The following PTK2B variants were observed in gnomAD, a reference collection of about 807,000 sequenced individuals.
PTK2B encodes protein-tyrosine kinase 2-beta.
PTK2B carries 71 observed loss-of-function variants against 142.9 expected under a neutral mutation model. The observed-to-expected ratio is 0.50, with a 90% CI of 0.41 to 0.61. The LOEUF is 0.61. PTK2B is among the 20% of genes least tolerant of loss of function. The pLI is 0.00. For missense variants in PTK2B, 1,105 were observed against 1,320.4 expected (o/e 0.84, Z 2.53); for synonymous variants, 519 against 503.4 (o/e 1.03, Z -0.42).
intron 21 of PTK2B, 53 bp from the exon 22 acceptor site, chr8:27,442,822 G>A (rs1350292104): frequency 6.7e-7 from 1 of 1,485,476 alleles, no homozygotes; most frequent in Non-Finnish European, 9.4e-7. Context: ...GAGCCCCAAG[G>A]AGCGTCTCAC....
intron 1 of PTK2B, among the ~76,000 whole-genome samples, chr8:27,358,182 G>A (rs1343936895): frequency 6.6e-6 from 1 of 152,138 alleles, no homozygotes; most frequent in East Asian, 1.9e-4. Context: ...ATTCCCCCAG[G>A]GCAGCACAGG....
intron 12 of PTK2B, 133 bp from the exon 13 acceptor site, chr8:27,434,380 G>A: frequency 2.7e-6 from 3 of 1,126,432 alleles, no homozygotes; most frequent in South Asian, 3.1e-5. Context: ...CCTGGGCTGT[G>A]CTCCCAGGTC....
chr8:27,353,621 G>T (rs1805228733), intron 1 of PTK2B, among the ~76,000 whole-genome samples: 1 of 152,134 alleles, frequency 6.6e-6, no homozygotes, highest in Admixed American at 6.5e-5. Context: ...CCTAGTAATG[G>T]CAGACCAAGA....
chr8:27,348,983 T>C (rs937099701), intron 1 of PTK2B, among the ~76,000 whole-genome samples: 16 of 152,260 alleles, frequency 1.1e-4, no homozygotes, highest in African/African-American at 3.6e-4. Flanking sequence ...TGCCTCTGTC[T>C]TTCCAACACC....
intron 2 of PTK2B, among the ~76,000 whole-genome samples, chr8:27,406,586 T>TTTATAG (rs1808725583): frequency 6.6e-6 from 1 of 152,190 alleles, no homozygotes; most frequent in Non-Finnish European, 1.5e-5. Context: ...CCACACCTCC[T>TTTATAG]GGAAGTTGGC....
chr8:27,443,166 A>G (rs1811264463), intron 22 of PTK2B, among the ~76,000 whole-genome samples, 183 bp downstream of exon 22: 1 of 152,252 alleles, frequency 6.6e-6, no homozygotes, highest in African/African-American at 2.4e-5. Context: ...ACTTGGAGAT[A>G]GCAGCCACCT....
intron 5 of PTK2B, among the ~76,000 whole-genome samples, 161 bp from the exon 6 acceptor site, chr8:27,429,932 A>G (rs1180976417): frequency 6.6e-6 from 1 of 152,142 alleles, no homozygotes; most frequent in African/African-American, 2.4e-5. Flanking sequence ...CCTTTTCCTC[A>G]CAGGTCAAAA....
intron 1 of PTK2B, among the ~76,000 whole-genome samples, chr8:27,351,634 G>T (rs775217809): frequency 8.5e-5 from 13 of 152,230 alleles, no homozygotes; most frequent in Non-Finnish European, 1.6e-4. Context: ...GTGTACTAAT[G>T]CCTCCAACTA....
At chr8:27,422,430 T>TG (rs1459716409) in intron 5 of PTK2B, 47 bp downstream of exon 5, 2 of 1,499,192 alleles carry the variant, frequency 1.3e-6, no homozygotes, top group African/African-American at 2.8e-5. Flanking sequence ...TGCTGAGCTC[T>TG]GGGCAGGCCC....
intron 27 of PTK2B, chr8:27,452,073 G>T: frequency 6.5e-6 from 1 of 153,658 alleles, no homozygotes; most frequent in Non-Finnish European, 1.4e-5. Context: ...CATGGGCCTG[G>T]GACCATTTAT....
intron 1 of PTK2B, among the ~76,000 whole-genome samples, chr8:27,375,007 A>G (rs1460235958): frequency 1.3e-5 from 2 of 152,202 alleles, no homozygotes; most frequent in Non-Finnish European, 2.9e-5. Flanking sequence ...AAGGGACCTG[A>G]GTCCAAAGAG....
intron 1 of PTK2B, among the ~76,000 whole-genome samples, chr8:27,376,620 C>A (rs923326156): frequency 6.6e-6 from 1 of 152,178 alleles, no homozygotes; most frequent in East Asian, 1.9e-4. Flanking sequence ...AAACAGGTTA[C>A]AGTAAAGAAG....
intron 1 of PTK2B, among the ~76,000 whole-genome samples, chr8:27,364,426 C>T (rs1442824305): frequency 6.6e-6 from 1 of 152,194 alleles, no homozygotes; most frequent in African/African-American, 2.4e-5. Flanking sequence ...GTAAACATAG[C>T]ACATTTACAA....
intron 15 of PTK2B, 81 bp from the exon 16 acceptor site, chr8:27,437,041 G>A: frequency 7.4e-7 from 1 of 1,353,366 alleles, no homozygotes; most frequent in Non-Finnish European, 1.1e-6. Flanking sequence ...AAATCTGCAG[G>A]AGGCCATGGG....
chr8:27,360,436 G>A (rs1429848736), intron 1 of PTK2B, among the ~76,000 whole-genome samples: 1 of 152,214 alleles, frequency 6.6e-6, no homozygotes, highest in Non-Finnish European at 1.5e-5. Context: ...GGGTCAGGGA[G>A]GGATAGAGAC....
At chr8:27,330,638 G>A (rs949680738) in intron 1 of PTK2B, among the ~76,000 whole-genome samples, 2 of 152,186 alleles carry the variant, frequency 1.3e-5, no homozygotes, top group Admixed American at 6.5e-5. Context: ...GGGCGGCAGA[G>A]GGGGAGGGGA....
Position 27,429,621 on chromosome 8 carries a change from T to C in PTK2B, c.552-472T>C, listed in dbSNP as rs539930456. Among the ~76,000 whole-genome samples, 42 of 152,352 alleles carry C rather than the reference T, an allele frequency of 2.8e-4. 3 individuals are homozygous for C. The South Asian group carries it at 8.7e-3, about 32-fold the overall frequency. On this transcript the variant is annotated intron_variant, in intron 5 of 30. Coordinates refer to ENST00000346049, the MANE Select transcript of PTK2B (RefSeq NM_173176.3). ...ATTTTCTTCTGTAAGTCCTAAAGTT[T>C]GTATATGTACAGTGGTACCTTTAAC... is the stretch of plus-strand genomic sequence containing the variant.
intron 1 of PTK2B, among the ~76,000 whole-genome samples, chr8:27,374,709 G>GAA (rs962127236): frequency 3.9e-5 from 6 of 152,190 alleles, no homozygotes; most frequent in African/African-American, 1.2e-4. Context: ...TTGCATATAT[G>GAA]AAAGGCAGCT....
At chr8:27,399,262 G>A (rs1808238737) in intron 2 of PTK2B, among the ~76,000 whole-genome samples, 1 of 152,192 alleles carries the variant, frequency 6.6e-6, no homozygotes. Flanking sequence ...GTTCCATAGA[G>A]TCAGCAGTGA....
Sources: allele counts gnomAD v4.1 joint callset (sites outside exome capture counted in the v4.1 genomes callset), GRCh38; gene constraint gnomAD v4.1.1; transcripts MANE v1.5; gene names NCBI Gene and HGNC (gene_info 2026-07-23, HGNC 2026-07-21).